The following SPAG16 variants were observed in gnomAD, a reference collection of about 807,000 sequenced individuals.
The protein encoded by SPAG16 is sperm associated antigen 16.
In SPAG16, 86 loss-of-function variants were observed where a neutral mutation model predicts 80.4. The ratio of observed to expected loss-of-function variants is 1.07; its 90% confidence interval spans 0.90 to 1.28. The LOEUF is 1.28. SPAG16 is among the 50% of genes most tolerant of loss of function. The probability of loss-of-function intolerance (pLI) is 0.00; values close to 1 mark genes in which losing one functional copy is unlikely to be tolerated. For missense variants in SPAG16, 870 were observed against 765.3 expected (o/e 1.14, Z -1.61); for synonymous variants, 294 against 265.9 (o/e 1.11, Z -1.03).
chr2:214,402,316 G>T lies in SPAG16; in HGVS notation c.1721-7824G>T, dbSNP rs188015826. On this transcript the variant is annotated intron_variant, in intron 15 of 15. Coordinates refer to ENST00000331683, the MANE Select transcript of SPAG16 (RefSeq NM_024532.5). Reference sequence around the variant, plus strand: ...TTAACAAGTTTCATGCCTCTCAGTGGTTTTTCCTTGGAATTTCAGGGAATA... The same window carrying T: ...TTAACAAGTTTCATGCCTCTCAGTGTTTTTTCCTTGGAATTTCAGGGAATA... Among the ~76,000 whole-genome samples the T allele has an allele frequency of 6.7e-3, 1,021 of 152,044 alleles. 8 individuals are homozygous for T. Among genetic ancestry groups the T allele is most frequent in the Non-Finnish European group, 0.012 (806 of 67,892 alleles).
At chr2:213,887,347 T>A (rs1332892475) in intron 11 of SPAG16, among the ~76,000 whole-genome samples, 1 of 152,050 alleles carries the variant, frequency 6.6e-6, no homozygotes, top group Non-Finnish European at 1.5e-5. Context: ...TCGTTTTGTT[T>A]TGTTTTGTTT....
intron 13 of SPAG16, among the ~76,000 whole-genome samples, chr2:214,051,960 G>A (rs191430183): frequency 2.0e-5 from 3 of 152,296 alleles, no homozygotes; most frequent in African/African-American, 4.8e-5. Context: ...ATGAAAAATA[G>A]ATTTCCCTTT....
intron 10 of SPAG16, among the ~76,000 whole-genome samples, chr2:213,622,829 G>A (rs1407995444): frequency 7.4e-6 from 1 of 135,086 alleles, no homozygotes; most frequent in African/African-American, 2.9e-5. Context: ...TGTTTTGTGT[G>A]TGTGTCTGTG....
chr2:213,504,532 T>C (rs888348233), intron 10 of SPAG16, among the ~76,000 whole-genome samples: 1 of 152,046 alleles, frequency 6.6e-6, no homozygotes, highest in African/African-American at 2.4e-5. Context: ...TTTATATGCC[T>C]AGTAAACAAA....
At chr2:213,567,242 T>TTA (rs1559262752) in intron 10 of SPAG16, among the ~76,000 whole-genome samples, 1 of 150,830 alleles carries the variant, frequency 6.6e-6, no homozygotes, top group African/African-American at 2.4e-5. Context: ...TTTTTTTTTT[T>TTA]TTATTATACT....
chr2:213,492,134 G>C (rs1015922947), intron 10 of SPAG16, among the ~76,000 whole-genome samples: 1 of 152,136 alleles, frequency 6.6e-6, no homozygotes. Flanking sequence ...AAAAGTAGTA[G>C]TTTATTCTGC....
In SPAG16 at chr2:213,476,643, ATGT is replaced by A. The variant is rs370033262; in HGVS notation, c.943-13316_943-13314del. On this transcript the variant is annotated intron_variant, in intron 9 of 15. Coordinates refer to ENST00000331683, the MANE Select transcript of SPAG16 (RefSeq NM_024532.5). ...ATTGATCCTGGATGAACCCCCAGAA[ATGT>A]TGTGGCATTTTTGCTCGCATAGTTT... 1.4e-3 allele frequency among the ~76,000 whole-genome samples: 217 copies of A among 152,284 alleles called. 2 individuals carry two copies. Among genetic ancestry groups the A allele is most frequent in the African/African-American group, 4.6e-3 (191 of 41,560 alleles).
intron 10 of SPAG16, among the ~76,000 whole-genome samples, chr2:213,778,519 A>G (rs2069741102): frequency 6.6e-6 from 1 of 152,072 alleles, no homozygotes; most frequent in Admixed American, 6.5e-5. Context: ...CATCTCTATT[A>G]TATCTTCATC....
chr2:214,341,501 G>C (rs954834264), intron 15 of SPAG16, among the ~76,000 whole-genome samples: 1 of 152,228 alleles, frequency 6.6e-6, no homozygotes, highest in Admixed American at 6.5e-5. Context: ...AAGGAAACTT[G>C]TAAATGAGAA....
intron 13 of SPAG16, among the ~76,000 whole-genome samples, chr2:214,102,790 G>A (rs562475031): frequency 6.6e-6 from 1 of 152,126 alleles, no homozygotes; most frequent in East Asian, 1.9e-4. Context: ...ACCGAGACCG[G>A]GGCAAGTTCC....
At chr2:214,093,138 C>T (rs928006140) in intron 13 of SPAG16, among the ~76,000 whole-genome samples, 1 of 151,976 alleles carries the variant, frequency 6.6e-6, no homozygotes, top group Non-Finnish European at 1.5e-5. Context: ...GTACAGTTAC[C>T]ACCTCTCTGA....
At chr2:213,565,362 G>A (rs771635807) in intron 10 of SPAG16, among the ~76,000 whole-genome samples, 11 of 152,324 alleles carry the variant, frequency 7.2e-5, no homozygotes, top group Middle Eastern at 6.8e-3. Context: ...GCTCAATATA[G>A]ACTTTTGCTT....
chr2:213,462,037 A>G (rs1367427776), intron 9 of SPAG16, among the ~76,000 whole-genome samples: 1 of 152,212 alleles, frequency 6.6e-6, no homozygotes, highest in Non-Finnish European at 1.5e-5. Context: ...ATGTTGAAAA[A>G]AATGTTAAAA....
intron 13 of SPAG16, among the ~76,000 whole-genome samples, chr2:214,101,648 C>T (rs778101675): frequency 3.9e-5 from 6 of 152,122 alleles, no homozygotes; most frequent in Non-Finnish European, 8.8e-5. Flanking sequence ...GCCTCACTCA[C>T]TCCATCTTCT....
chr2:214,281,177 C>T (rs1008764253), intron 15 of SPAG16: 17 of 327,846 alleles, frequency 5.2e-5, no homozygotes, highest in South Asian at 9.6e-5. Flanking sequence ...TACGCTGCAG[C>T]GTAATTTGTC....
chr2:214,250,375 T>A lies in SPAG16; in HGVS notation c.1720+101109T>A, dbSNP rs569464372. 4.0e-5 allele frequency among the ~76,000 whole-genome samples: 6 copies of A among 151,798 alleles called. No individual in the cohort carries two copies. In the East Asian group the frequency reaches 1.2e-3, roughly 29 times the overall value. ...GGGGAATATTATGGATTTTTGGATATAATTTTATGTTAAATATATTTTAAG... is the reference window on the plus strand; with the variant it reads ...GGGGAATATTATGGATTTTTGGATAAAATTTTATGTTAAATATATTTTAAG... On this transcript the variant is annotated intron_variant, in intron 15 of 15. Transcript: ENST00000331683.
chr2:213,427,981 G>T (rs1036084354), intron 9 of SPAG16, among the ~76,000 whole-genome samples: 2 of 152,100 alleles, frequency 1.3e-5, no homozygotes, highest in Admixed American at 1.3e-4. Context: ...ATCTAGCCCT[G>T]GTCTCTTATG....
intron 10 of SPAG16, among the ~76,000 whole-genome samples, chr2:213,598,754 C>T (rs996818530): frequency 6.6e-6 from 1 of 152,046 alleles, no homozygotes; most frequent in African/African-American, 2.4e-5. Context: ...AGGAATAATA[C>T]ATGGTGGTTG....
At chr2:213,341,639 C>T (rs1369019825) in intron 6 of SPAG16, among the ~76,000 whole-genome samples, 1 of 152,110 alleles carries the variant, frequency 6.6e-6, no homozygotes, top group Non-Finnish European at 1.5e-5. Context: ...TCAAGCAGTC[C>T]TTCCGCCTCA....
Sources: allele counts gnomAD v4.1 joint callset (sites outside exome capture counted in the v4.1 genomes callset), GRCh38; gene constraint gnomAD v4.1.1; transcripts MANE v1.5; gene names NCBI Gene and HGNC (gene_info 2026-07-23, HGNC 2026-07-21).